MINDY3: variants seen among roughly 807,000 people sequenced by gnomAD.
MINDY3 encodes the protein ubiquitin carboxyl-terminal hydrolase MINDY-3.
In MINDY3, 38 loss-of-function variants were observed where a neutral mutation model predicts 69.2. That is an observed-to-expected ratio of 0.55 (90% confidence interval 0.42 to 0.72). The LOEUF (loss-of-function observed/expected upper bound fraction) is 0.72. Among genes scored for constraint, MINDY3 ranks in the 30% least tolerant of loss-of-function variants. The pLI is 0.00. For synonymous variants in MINDY3, 192 were observed against 180.1 expected, an observed-to-expected ratio of 1.07 and a Z score of -0.53; for missense variants, 522 against 519.0, an observed-to-expected ratio of 1.01 and a Z score of -0.06.
intron 13 of MINDY3, among the ~76,000 whole-genome samples, chr10:15,785,041 A>G (rs1224394840): frequency 2.0e-5 from 3 of 152,046 alleles, no homozygotes; most frequent in African/African-American, 7.2e-5. Context: ...TGCTGCACCC[A>G]CCCTTAAAGT....
chr10:15,806,792 C>T (rs1023272105), intron 10 of MINDY3, among the ~76,000 whole-genome samples: 1 of 152,192 alleles, frequency 6.6e-6, no homozygotes, highest in Non-Finnish European at 1.5e-5. Flanking sequence ...TCCCCAAACA[C>T]AGTATTAACT....
intron 12 of MINDY3, among the ~76,000 whole-genome samples, chr10:15,787,740 G>A (rs926032296): frequency 4.6e-5 from 7 of 152,140 alleles, no homozygotes; most frequent in African/African-American, 1.7e-4. Flanking sequence ...TTGTGGGCCT[G>A]TGGCTATCAT....
intron 2 of MINDY3, among the ~76,000 whole-genome samples, chr10:15,845,115 C>A (rs1443541431): frequency 6.6e-6 from 1 of 152,120 alleles, no homozygotes; most frequent in African/African-American, 2.4e-5. Flanking sequence ...CATTAAGTTT[C>A]TTATTGTTAA....
rs540228024 is a variant in MINDY3, at chr10:15,830,345, C to T, written c.730+3285G>A. Among the ~76,000 whole-genome samples the T allele has an allele frequency of 3.9e-5, 6 of 152,278 alleles. No individual in the cohort carries two copies. The East Asian group carries it at 1.2e-3, about 29-fold the overall frequency. ...GAATATCTCTTTTTTGCCATTTTCT[C>T]ACCTCATTCTAACTATCCTGTGATA... On this transcript the variant is annotated intron_variant, in intron 8 of 14. Coordinates refer to ENST00000277632, the MANE Select transcript of MINDY3 (RefSeq NM_024948.4).
chr10:15,847,250 T>G (rs1275274926), intron 2 of MINDY3, among the ~76,000 whole-genome samples: 1 of 152,240 alleles, frequency 6.6e-6, no homozygotes, highest in East Asian at 1.9e-4. Flanking sequence ...GAATCAGCCT[T>G]TGAAATTCAA....
intron 1 of MINDY3, among the ~76,000 whole-genome samples, chr10:15,859,243 T>C (rs1303524840): frequency 6.6e-6 from 1 of 152,160 alleles, no homozygotes; most frequent in African/African-American, 2.4e-5. Flanking sequence ...CGTTTTGAAA[T>C]AGGGGTTTAT....
chr10:15,830,428 A>C (rs1840378375), intron 8 of MINDY3, among the ~76,000 whole-genome samples: 2 of 152,222 alleles, frequency 1.3e-5, no homozygotes, highest in African/African-American at 4.8e-5. Flanking sequence ...GTTTAATTCC[A>C]CACAGTTTAA....
intron 10 of MINDY3, among the ~76,000 whole-genome samples, chr10:15,816,044 T>C (rs1839333193): frequency 1.3e-5 from 2 of 152,084 alleles, no homozygotes; most frequent in South Asian, 4.1e-4. Context: ...GGTGGGCAGA[T>C]CACTTGAGGT....
chr10:15,778,476 G>C lies in MINDY3; in HGVS notation c.*516C>G, dbSNP rs1481947676. The C allele has an allele frequency of 6.6e-6, 1 of 152,330 alleles. No homozygotes were observed. Among genetic ancestry groups the C allele is most frequent in the Non-Finnish European group, 1.5e-5 (1 of 68,164 alleles). 9.4% of individuals were successfully genotyped at this position (152,330 alleles called of 1,614,324 possible). On this transcript the variant is annotated 3_prime_UTR_variant, in exon 15 of 15. Transcript: ENST00000277632. Reference sequence around the variant, plus strand: ...CTTTTTGTGAACATGCCAGAGTTAAGTAAATTGTCAAAGGATCCAGGTTGA... The same window carrying C: ...CTTTTTGTGAACATGCCAGAGTTAACTAAATTGTCAAAGGATCCAGGTTGA...
intron 13 of MINDY3, among the ~76,000 whole-genome samples, chr10:15,784,794 T>C (rs1401790875): frequency 6.6e-6 from 1 of 152,164 alleles, no homozygotes; most frequent in Non-Finnish European, 1.5e-5. Flanking sequence ...GACAAGGCAG[T>C]ATGTGACTAA....
At position 15,844,907 on chromosome 10, in the gene MINDY3, T is replaced by G. The variant is rs79396886; in HGVS notation, c.175-1635A>C. Among the ~76,000 whole-genome samples the G allele has an allele frequency of 3.8e-3, 582 of 152,294 alleles. 6 individuals carry two copies. Among genetic ancestry groups the G allele is most frequent in the African/African-American group, 0.012 (518 of 41,552 alleles). The stretch of plus-strand genomic sequence containing the variant: ...GGCTTCCTAGTGAGGGTGAGCATCC[T>G]GATTATTTGGCTGTAAAGCATCATT... On this transcript the variant is annotated intron_variant, in intron 2 of 14. Coordinates refer to ENST00000277632, the MANE Select transcript of MINDY3 (RefSeq NM_024948.4).
intron 5 of MINDY3, chr10:15,837,798 A>G: frequency 1.0e-6 from 1 of 979,968 alleles, no homozygotes; most frequent in Non-Finnish European, 1.2e-6. Flanking sequence ...ATCAACAGCC[A>G]TCTTTACCTT....
At chr10:15,847,190 A>G (rs1301838791) in intron 2 of MINDY3, among the ~76,000 whole-genome samples, 1 of 152,362 alleles carries the variant, frequency 6.6e-6, no homozygotes, top group Admixed American at 6.5e-5. Flanking sequence ...TCAGTATTAC[A>G]GTAAACTGAG....
At chr10:15,813,752 G>A (rs1588568926) in intron 10 of MINDY3, among the ~76,000 whole-genome samples, 1 of 152,004 alleles carries the variant, frequency 6.6e-6, no homozygotes, top group Non-Finnish European at 1.5e-5. Flanking sequence ...TTCTTCACAG[G>A]CATTTCACAA....
intron 12 of MINDY3, among the ~76,000 whole-genome samples, chr10:15,788,241 C>A (rs1289764402): frequency 2.0e-5 from 3 of 152,054 alleles, no homozygotes; most frequent in Non-Finnish European, 4.4e-5. Flanking sequence ...ATTTGTTGGA[C>A]TAGTTCAACA....
chr10:15,847,921 C>T lies in MINDY3; in HGVS notation c.117G>A (p.Glu39=), dbSNP rs772757461. ...CTTCAAACTGTTCTAATGCAGATCC[C>T]TCTGATTCACTAAACACAAACCCTA... The part of the protein sequence containing the change: ...WTQGFVFSES[E]GSALEQFEGG... Residue 39 remains glutamate (E), a synonymous_variant, in exon 2 of 15, where the codon GAG becomes GAA. Transcript: ENST00000277632. 1 of 1,613,936 alleles carries T rather than the reference C, an allele frequency of 6.2e-7. No homozygotes were observed. The highest frequency in any genetic ancestry group is 8.5e-7 in the Non-Finnish European group (1 of 1,179,874).
intron 8 of MINDY3, among the ~76,000 whole-genome samples, chr10:15,828,156 A>G (rs774786969): frequency 1.6e-4 from 24 of 152,164 alleles, no homozygotes; most frequent in Non-Finnish European, 3.4e-4. Context: ...TCACAGCATT[A>G]CTCATAATGG....
chr10:15,839,580 A>G (rs551023843), intron 4 of MINDY3, among the ~76,000 whole-genome samples: 1 of 151,742 alleles, frequency 6.6e-6, no homozygotes, highest in Non-Finnish European at 1.5e-5. Context: ...TAAAGATAAT[A>G]ATTTAGAGAA....
chr10:15,833,853 T>A (rs950094240), intron 7 of MINDY3, 144 bp from the exon 8 acceptor site: 6 of 639,390 alleles, frequency 9.4e-6, no homozygotes, highest in Admixed American at 2.8e-5. Flanking sequence ...ATTTTCAATT[T>A]TATATATTCG....
Sources: gnomAD v4.1 joint callset for allele counts (sites outside exome capture counted in the v4.1 genomes callset) on GRCh38, gnomAD v4.1.1 for gene constraint, MANE v1.5 for transcripts, NCBI Gene and HGNC (gene_info 2026-07-23, HGNC 2026-07-21) for gene names.